Variants in POLE4 observed in about 807,000 individuals in gnomAD.
POLE4 encodes DNA polymerase epsilon subunit 4.
A neutral mutation model predicts 15.6 loss-of-function variants in POLE4; 15 were observed. That is an observed-to-expected ratio of 0.96 (90% CI 0.64 to 1.48). The LOEUF (loss-of-function observed/expected upper bound fraction) is 1.48. POLE4 is among the 40% of genes most tolerant of loss of function. The pLI is 0.00. For missense variants in POLE4, 205 were observed against 151.9 expected, an observed-to-expected ratio of 1.35 and a Z score of -1.84; for synonymous variants, 83 against 63.2, an observed-to-expected ratio of 1.31 and a Z score of -1.49.
rs1008777921 is a variant in POLE4, at chr2:74,969,896, CCAGAATTTATG to C, written c.*475_*485del. On this transcript the variant is annotated 3_prime_UTR_variant, in exon 4 of 4. Transcript: ENST00000483063. Reference sequence around the variant, plus strand: ...TCCAGCACATCACCAGAAAGTGGTTCCAGAATTTATGGAACACCACTTGCCCTCAGGAGTTC... The same window carrying C: ...TCCAGCACATCACCAGAAAGTGGTTCGAACACCACTTGCCCTCAGGAGTTC... 1.3e-5 allele frequency: 2 copies of C among 156,218 alleles called. No homozygotes were observed. Among genetic ancestry groups the C allele is most frequent in the African/African-American group, 4.8e-5 (2 of 41,540 alleles). 9.7% of individuals were successfully genotyped at this position (156,218 alleles called of 1,614,324 possible).
In POLE4 at chr2:74,964,438, C is replaced by G. The variant is rs538023825; in HGVS notation, c.340+4292C>G. 2.4e-4 allele frequency among the ~76,000 whole-genome samples: 37 copies of G among 152,042 alleles called. No individual in the cohort carries two copies. In the South Asian group the frequency reaches 7.3e-3, roughly 30 times the overall value. On this transcript the variant is annotated intron_variant, in intron 3 of 3. Coordinates refer to ENST00000483063, the MANE Select transcript of POLE4 (RefSeq NM_019896.4). ...GAAACGATATCTTTACAATAGTGAA[C>G]CTTTCATTTTATAAATATGGTCTAC... is the stretch of plus-strand genomic sequence containing the variant.
chr2:74,958,688 G>A lies in POLE4; in HGVS notation c.9G>A (p.Ala3=). 3 of 1,465,076 alleles carry A rather than the reference G, an allele frequency of 2.0e-6. No homozygotes were observed. The highest frequency in any genetic ancestry group is 2.0e-4 in the Middle Eastern group (1 of 5,020). The allele number at this position is 1,465,076 out of a possible 1,614,324, so 90.8% of individuals were successfully genotyped here. MA[A]AAAAGSGTPR... ...GCACGCTCAAGGCCGGGATGGCGGCGGCGGCGGCGGCAGGAAGCGGGACGC... is the reference window on the plus strand; with the variant it reads ...GCACGCTCAAGGCCGGGATGGCGGCAGCGGCGGCGGCAGGAAGCGGGACGC... Residue 3 remains alanine, a synonymous_variant, in exon 1 of 4, where the codon GCG becomes GCA. Transcript: ENST00000483063.
chr2:74,961,675 A>G (rs1009621288), intron 3 of POLE4, among the ~76,000 whole-genome samples: 4 of 152,158 alleles, frequency 2.6e-5, no homozygotes, highest in African/African-American at 7.2e-5. Flanking sequence ...CTATCACAGC[A>G]TAGTGCTTAG....
intron 3 of POLE4, among the ~76,000 whole-genome samples, chr2:74,963,284 T>C (rs1383237664): frequency 1.3e-5 from 2 of 152,188 alleles, no homozygotes; most frequent in East Asian, 3.8e-4. Context: ...TACCCACACT[T>C]GGTATTACCA....
intron 3 of POLE4, 65 bp from the exon 4 acceptor site, chr2:74,969,344 C>T: frequency 6.7e-7 from 1 of 1,492,916 alleles, no homozygotes; most frequent in Non-Finnish European, 9.3e-7. Flanking sequence ...TAAGTTTGCC[C>T]AGCTTGTTAC....
In POLE4 at chr2:74,970,063, T is replaced by C. The variant is rs1319342786; in HGVS notation, c.*641T>C. Reference sequence around the variant, plus strand: ...GTGGTATTTAGTATATTCACAAATATGTACACCAGTCATCACAGTCGATTT... The same window carrying C: ...GTGGTATTTAGTATATTCACAAATACGTACACCAGTCATCACAGTCGATTT... On this transcript the variant is annotated 3_prime_UTR_variant, in exon 4 of 4. Coordinates refer to ENST00000483063, the MANE Select transcript of POLE4 (RefSeq NM_019896.4). 3 of 152,258 alleles carry C rather than the reference T, an allele frequency of 2.0e-5. No homozygotes were observed. The highest frequency in any genetic ancestry group is 4.8e-5 in the African/African-American group (2 of 41,468). 9.4% of individuals were successfully genotyped at this position (152,258 alleles called of 1,614,324 possible).
At chr2:74,959,121 C>A in intron 1 of POLE4, 1 of 610,724 alleles carries the variant, frequency 1.6e-6, no homozygotes, top group Non-Finnish European at 2.9e-6. Flanking sequence ...ATCTCCAGGG[C>A]CTCGTACAGA....
In POLE4 at chr2:74,969,809, C is replaced by G. The variant is rs530617550; in HGVS notation, c.*387C>G. On this transcript the variant is annotated 3_prime_UTR_variant, in exon 4 of 4. Transcript: ENST00000483063. ...TCACCATACCTGGTCACAGACCTTC[C>G]TGATCTTCCCTGCCAGCCATTCTAA... 19 of 193,306 alleles carry G rather than the reference C, an allele frequency of 9.8e-5. No individual in the cohort carries two copies. In the South Asian group the frequency reaches 2.7e-3, roughly 28 times the overall value. 12.0% of individuals were successfully genotyped at this position (193,306 alleles called of 1,614,324 possible). A position where few individuals can be genotyped will look rare whatever the true frequency, so the allele number is the denominator to read the frequency against.
chr2:74,963,721 C>G (rs1487888144), intron 3 of POLE4, among the ~76,000 whole-genome samples: 2 of 152,096 alleles, frequency 1.3e-5, no homozygotes, highest in Non-Finnish European at 2.9e-5. Context: ...AACTCCTGAC[C>G]TCAAGTGATC....
chr2:74,958,665 A>G lies in POLE4; in HGVS notation c.-15A>G. ...CGCACAGTCGGCGGCCGCGCGCAGC[A>G]CGCTCAAGGCCGGGATGGCGGCGGC... On this transcript the variant is annotated 5_prime_UTR_variant, in exon 1 of 4. Coordinates refer to ENST00000483063, the MANE Select transcript of POLE4 (RefSeq NM_019896.4). 1 of 1,415,072 alleles carries G rather than the reference A, an allele frequency of 7.1e-7. No individual in the cohort carries two copies. The highest frequency in any genetic ancestry group is 9.2e-7 in the Non-Finnish European group (1 of 1,091,560). 87.7% of individuals were successfully genotyped at this position (1,415,072 alleles called of 1,614,324 possible).
At chr2:74,963,343 A>G (rs932678524) in intron 3 of POLE4, among the ~76,000 whole-genome samples, 3 of 152,046 alleles carry the variant, frequency 2.0e-5, no homozygotes, top group Non-Finnish European at 4.4e-5. Flanking sequence ...TGATAGTTGC[A>G]TGTGGTGTTA....
intron 3 of POLE4, chr2:74,961,273 G>T (rs1288681720): frequency 2.0e-5 from 3 of 152,056 alleles, no homozygotes; most frequent in Non-Finnish European, 1.5e-5. Flanking sequence ...TGTCAACCTA[G>T]GCCCCTGGTC....
At chr2:74,959,097 T>C in intron 1 of POLE4, 1 of 610,692 alleles carries the variant, frequency 1.6e-6, no homozygotes, top group Non-Finnish European at 2.9e-6. Context: ...GGATAGTGAG[T>C]GACTTTAATT....
At chr2:74,963,834 C>T (rs992345290) in intron 3 of POLE4, among the ~76,000 whole-genome samples, 6 of 152,058 alleles carry the variant, frequency 3.9e-5, no homozygotes, top group Admixed American at 1.3e-4. Context: ...GTATATGAGA[C>T]GTATCTTTTC....
Position 74,969,975 on chromosome 2 carries a change from T to C in POLE4, c.*553T>C, listed in dbSNP as rs1274654648. On this transcript the variant is annotated 3_prime_UTR_variant, in exon 4 of 4. Transcript: ENST00000483063. ...GATTGAAAGCCAGTTAAATTTTTTT[T>C]AAGTTTTATTTATTGACATATCCAC... 1 of 153,422 alleles carries C rather than the reference T, an allele frequency of 6.5e-6. No individual in the cohort carries two copies. The highest frequency in any genetic ancestry group is 1.5e-5 in the Non-Finnish European group (1 of 68,784). 9.5% of individuals were successfully genotyped at this position (153,422 alleles called of 1,614,324 possible).
At chr2:74,962,976 A>G (rs1671246494) in intron 3 of POLE4, among the ~76,000 whole-genome samples, 1 of 152,206 alleles carries the variant, frequency 6.6e-6, no homozygotes, top group South Asian at 2.1e-4. Context: ...CATCTGTGTG[A>G]TTGCACATAA....
At chr2:74,966,254 C>T (rs1334053505) in intron 3 of POLE4, among the ~76,000 whole-genome samples, 1 of 152,120 alleles carries the variant, frequency 6.6e-6, no homozygotes, top group Non-Finnish European at 1.5e-5. Context: ...ACTCAATTTT[C>T]AAATTCCTCG....
chr2:74,966,865 T>A (rs1284152569), intron 3 of POLE4, among the ~76,000 whole-genome samples: 1 of 152,256 alleles, frequency 6.6e-6, no homozygotes. Context: ...TGAATATAAA[T>A]TCTAGGTGGA....
intron 2 of POLE4, 105 bp downstream of exon 2, chr2:74,959,530 GTC>G (rs1671185235): frequency 1.4e-6 from 1 of 702,024 alleles, no homozygotes; most frequent in Non-Finnish European, 2.5e-6. Context: ...GTGCCACAGC[GTC>G]TCTCCCCAGG....
Sources: gnomAD v4.1 joint callset for allele counts (sites outside exome capture counted in the v4.1 genomes callset) on GRCh38, gnomAD v4.1.1 for gene constraint, MANE v1.5 for transcripts, NCBI Gene and HGNC (gene_info 2026-07-23, HGNC 2026-07-21) for gene names.